The following SPAG17 variants were observed in gnomAD, a reference collection of about 807,000 sequenced individuals.
SPAG17 encodes the protein sperm associated antigen 17, also known as sperm-associated antigen 17.
A neutral mutation model predicts 273.6 loss-of-function variants in SPAG17; 169 were observed. That is an observed-to-expected ratio of 0.62 (90% CI 0.55 to 0.70). SPAG17 has a LOEUF of 0.70. Among genes scored for constraint, SPAG17 ranks in the 30% least tolerant of loss-of-function variants. The pLI, the probability that SPAG17 is intolerant of heterozygous loss-of-function variation, is 0.00. For synonymous variants in SPAG17, 825 were observed against 873.2 expected (o/e 0.94, Z 0.97); for missense variants, 2,557 against 2,627.8 (o/e 0.97, Z 0.59).
At chr1:117,995,303 T>A (rs1657533421) in intron 34 of SPAG17, among the ~76,000 whole-genome samples, 1 of 152,114 alleles carries the variant, frequency 6.6e-6, no homozygotes, top group Non-Finnish European at 1.5e-5. Flanking sequence ...TCCCAACTTA[T>A]AATCATACAG....
chr1:118,085,532 G>GTGCGTGCATA (rs1558001236), intron 13 of SPAG17, among the ~76,000 whole-genome samples: 3 of 151,428 alleles, frequency 2.0e-5, no homozygotes, highest in South Asian at 4.2e-4. Context: ...ATACGCGTGC[G>GTGCGTGCATA]CGCGCGCACA....
In SPAG17 at chr1:118,093,298, A is replaced by C. The variant is rs1170894487; in HGVS notation, c.1031T>G (p.Ile344Ser). Residue 344 changes from isoleucine to serine, a missense_variant, in exon 8 of 49, where the codon ATT (isoleucine) becomes AGT (serine). Ile to Ser is a moderately radical substitution (Grantham distance 142). Transcript: ENST00000336338. ...CATCAAGCAGGCAATATTTTCAAAA[A>C]TATCAGTGCCCAATTTCAGCTACAA... ...GEMMLKLGTDIFENIACLMYD... is the reference protein window; with the variant it reads ...GEMMLKLGTDSFENIACLMYD... 1 of 1,610,158 alleles carries C rather than the reference A, an allele frequency of 6.2e-7. No individual in the cohort carries two copies. The highest frequency in any genetic ancestry group is 8.5e-7 in the Non-Finnish European group (1 of 1,178,038).
chr1:118,085,634 A>C (rs1368762344), intron 13 of SPAG17, among the ~76,000 whole-genome samples: 1 of 152,206 alleles, frequency 6.6e-6, no homozygotes, highest in Non-Finnish European at 1.5e-5. Flanking sequence ...TATTTGGGAC[A>C]GAGATGGGGG....
At chr1:117,990,068 A>G (rs1191624048) in intron 38 of SPAG17, among the ~76,000 whole-genome samples, 2 of 152,214 alleles carry the variant, frequency 1.3e-5, no homozygotes, top group African/African-American at 4.8e-5. Context: ...GTATAGGGAC[A>G]CGGAGACATA....
At chr1:118,019,705 G>A (rs1316024510) in intron 28 of SPAG17, among the ~76,000 whole-genome samples, 1 of 152,104 alleles carries the variant, frequency 6.6e-6, no homozygotes. Context: ...AAAAATCACA[G>A]GGAATATTTT....
chr1:118,165,436 C>T lies in SPAG17; in HGVS notation c.88-14067G>A, dbSNP rs911678038. On this transcript the variant is annotated intron_variant, in intron 1 of 48. Coordinates refer to ENST00000336338, the MANE Select transcript of SPAG17 (RefSeq NM_206996.4). ...TGTCCTTGATTTCCTTGGCATGAGG[C>T]AAAGAACCTCGGGTATTTACCCCAG... is the stretch of plus-strand genomic sequence containing the variant. Among the ~76,000 whole-genome samples, 4 of 152,144 alleles carry T rather than the reference C, an allele frequency of 2.6e-5. No individual in the cohort carries two copies. In the South Asian group the frequency reaches 8.3e-4, roughly 32 times the overall value.
At chr1:118,047,059 C>A (rs2101957830) in intron 20 of SPAG17, among the ~76,000 whole-genome samples, 1 of 152,302 alleles carries the variant, frequency 6.6e-6, no homozygotes, top group Admixed American at 6.5e-5. Flanking sequence ...ACAAGAAACA[C>A]ACTAAAAATA....
At position 118,005,583 on chromosome 1, in the gene SPAG17, C is replaced by G; in HGVS notation, c.4607G>C (p.Gly1536Ala). The change falls in exon 32 of 49, where the codon GGC (glycine) becomes GCC (alanine). Residue 1536 changes from glycine to alanine, a missense_variant. Gly to Ala is a moderately conservative substitution (Grantham distance 60). Transcript: ENST00000336338. ...GTYQVLPPNT[G>A]SLYIDKDCSA... Reference sequence around the variant, plus strand: ...ACAATCCTTGTCAATATAAAGAGAGCCTGTGTTTGGAGGTAACACCTGAAA... The same window carrying G: ...ACAATCCTTGTCAATATAAAGAGAGGCTGTGTTTGGAGGTAACACCTGAAA... The G allele has an allele frequency of 1.3e-6, 2 of 1,532,828 alleles. No homozygotes were observed. Among genetic ancestry groups the G allele is most frequent in the Non-Finnish European group, 1.8e-6 (2 of 1,139,184 alleles). The allele number at this position is 1,532,828 out of a possible 1,614,324, so 95.0% of individuals were successfully genotyped here.
intron 20 of SPAG17, among the ~76,000 whole-genome samples, chr1:118,044,807 G>A (rs1174249824): frequency 6.6e-6 from 1 of 152,094 alleles, no homozygotes; most frequent in Non-Finnish European, 1.5e-5. Flanking sequence ...CTCTAGTCAT[G>A]GAGGATGTGC....
At chr1:118,145,818 T>C (rs1329314346) in intron 3 of SPAG17, among the ~76,000 whole-genome samples, 1 of 152,162 alleles carries the variant, frequency 6.6e-6, no homozygotes. Context: ...TGGAAAATTG[T>C]TTTGAAATAA....
intron 13 of SPAG17, among the ~76,000 whole-genome samples, chr1:118,082,202 T>C (rs1343176873): frequency 6.6e-6 from 1 of 152,206 alleles, no homozygotes; most frequent in Non-Finnish European, 1.5e-5. Context: ...ACAGCATTTA[T>C]TCACTTGCTC....
chr1:117,982,342 C>T (rs573388585), intron 42 of SPAG17, among the ~76,000 whole-genome samples: 5 of 151,476 alleles, frequency 3.3e-5, no homozygotes, highest in East Asian at 2.0e-4. Context: ...CCTGGGTCCA[C>T]GCCATTCTCC....
intron 1 of SPAG17, among the ~76,000 whole-genome samples, chr1:118,172,806 G>A (rs1158903893): frequency 6.6e-6 from 1 of 152,042 alleles, no homozygotes; most frequent in Non-Finnish European, 1.5e-5. Context: ...TGTTGGCACA[G>A]AAATTCTGAC....
intron 24 of SPAG17, among the ~76,000 whole-genome samples, chr1:118,035,551 T>C (rs994493149): frequency 6.6e-6 from 1 of 151,938 alleles, no homozygotes; most frequent in African/African-American, 2.4e-5. Flanking sequence ...AAAGCAAAAA[T>C]ACTAAGAAAT....
chr1:118,029,797 G>GT (rs1280507526), intron 25 of SPAG17, among the ~76,000 whole-genome samples: 3 of 151,918 alleles, frequency 2.0e-5, no homozygotes, highest in East Asian at 1.9e-4. Context: ...GTGGATATTT[G>GT]TTTTTTTCTA....
intron 1 of SPAG17, among the ~76,000 whole-genome samples, chr1:118,164,492 G>T (rs1221022029): frequency 6.6e-6 from 1 of 152,146 alleles, no homozygotes; most frequent in Non-Finnish European, 1.5e-5. Flanking sequence ...TGCAATCACA[G>T]TTGCCCTCTT....
chr1:118,053,778 TA>T (rs1426953590), intron 20 of SPAG17, among the ~76,000 whole-genome samples: 2 of 151,966 alleles, frequency 1.3e-5, no homozygotes, highest in Non-Finnish European at 2.9e-5. Flanking sequence ...AAAAACCTTT[TA>T]AAAATAAGCT....
intron 17 of SPAG17, among the ~76,000 whole-genome samples, chr1:118,067,952 G>A (rs1210594649): frequency 6.6e-6 from 1 of 152,130 alleles, no homozygotes; most frequent in Non-Finnish European, 1.5e-5. Flanking sequence ...ATGCACTGCG[G>A]TGGTAGCTAC....
rs1301586642 is a variant in SPAG17 at position 118,055,760 on chromosome 1, T to G, written c.2695A>C (p.Lys899Gln). 6.2e-7 allele frequency: 1 copy of G among 1,612,474 alleles called. No individual in the cohort carries two copies. Among genetic ancestry groups the G allele is most frequent in the South Asian group, 1.1e-5 (1 of 90,522 alleles). Residue 899 changes from lysine to glutamine, a missense_variant, in exon 19 of 49, where the codon AAA (lysine) becomes CAA (glutamine). By Grantham distance (53) the Lys-to-Gln change is moderately conservative (BLOSUM62 1). Transcript: ENST00000336338. ...TTAGATTCTTTAATGGAAAAAATTT[T>G]GCTAGCAGAAGTAAGTTTGGCATTA... ...SANAKLTSASKIFSIKESKSN... is the reference protein window; with the variant it reads ...SANAKLTSASQIFSIKESKSN...
Sources: allele counts gnomAD v4.1 joint callset (sites outside exome capture counted in the v4.1 genomes callset), GRCh38; gene constraint gnomAD v4.1.1; transcripts MANE v1.5; gene names NCBI Gene and HGNC (gene_info 2026-07-23, HGNC 2026-07-21).